The following NPHP4 variants were observed in gnomAD, a reference collection of about 807,000 sequenced individuals.
NPHP4 encodes the protein nephrocystin-4.
Under a neutral mutation model 155.8 loss-of-function variants are expected in NPHP4, and 151 were observed. The ratio of observed to expected loss-of-function variants is 0.97; its 90% CI spans 0.85 to 1.11. The LOEUF (loss-of-function observed/expected upper bound fraction) is 1.11. Among genes scored for constraint, NPHP4 ranks in the 50% least tolerant of loss-of-function variants. NPHP4 has a pLI of 0.00. For synonymous variants in NPHP4, 845 were observed against 816.8 expected (o/e 1.03, Z -0.59); for missense variants, 1,956 against 1,925.7 (o/e 1.02, Z -0.29).
At chr1:5,888,917 TA>T (rs1034393137) in intron 17 of NPHP4, among the ~76,000 whole-genome samples, 55 of 152,242 alleles carry the variant, frequency 3.6e-4, no homozygotes, top group African/African-American at 1.3e-3. Context: ...AAGAGGATGG[TA>T]AATAGCACAA....
At chr1:5,866,849 T>C (rs1206462647) in intron 25 of NPHP4, among the ~76,000 whole-genome samples, 181 bp downstream of exon 25, 2 of 152,016 alleles carry the variant, frequency 1.3e-5, no homozygotes, top group Non-Finnish European at 2.9e-5. Flanking sequence ...GTAGAAAAAA[T>C]AAAAACACAC....
intron 11 of NPHP4, among the ~76,000 whole-genome samples, chr1:5,914,798 A>G (rs983748476): frequency 2.6e-5 from 4 of 152,188 alleles, no homozygotes; most frequent in African/African-American, 7.2e-5. Context: ...GCCTCTCAAC[A>G]TCAGGACACA....
chr1:5,936,623 A>G (rs753756383), intron 9 of NPHP4, among the ~76,000 whole-genome samples: 3 of 152,234 alleles, frequency 2.0e-5, no homozygotes, highest in Admixed American at 6.5e-5. Flanking sequence ...CAAAATACAC[A>G]ATACACAAAA....
chr1:5,913,702 C>T (rs1401300305), intron 11 of NPHP4, among the ~76,000 whole-genome samples: 1 of 152,218 alleles, frequency 6.6e-6, no homozygotes, highest in Admixed American at 6.5e-5. Context: ...ACATTCCACA[C>T]GCAAGAGAGA....
chr1:5,970,221 G>A (rs553587335), intron 3 of NPHP4, among the ~76,000 whole-genome samples: 5 of 152,202 alleles, frequency 3.3e-5, no homozygotes, highest in African/African-American at 1.2e-4. Flanking sequence ...AATAATTAAG[G>A]GGCCTGGGGT....
At chr1:5,918,439 T>C (rs1645579065) in intron 11 of NPHP4, among the ~76,000 whole-genome samples, 2 of 152,196 alleles carry the variant, frequency 1.3e-5, no homozygotes, top group African/African-American at 4.8e-5. Flanking sequence ...AATGATTTTA[T>C]TATTAAACAC....
chr1:5,984,957 A>G (rs1655247740), intron 2 of NPHP4, among the ~76,000 whole-genome samples: 1 of 152,186 alleles, frequency 6.6e-6, no homozygotes, highest in Admixed American at 6.5e-5. Flanking sequence ...GCTCGTCTAT[A>G]AAACGGGAGT....
At chr1:5,922,285 T>G (rs1557742087) in intron 11 of NPHP4, among the ~76,000 whole-genome samples, 1 of 152,264 alleles carries the variant, frequency 6.6e-6, no homozygotes, top group African/African-American at 2.4e-5. Flanking sequence ...TTTGGACTTC[T>G]GACCTCCAGA....
chr1:5,890,822 G>A lies in NPHP4; in HGVS notation c.2304+46C>T, dbSNP rs761495184. 3.8e-6 allele frequency: 6 copies of A among 1,559,860 alleles called. No individual in the cohort carries two copies. The African/African-American group carries it at 5.4e-5, about 14-fold the overall frequency. The stretch of plus-strand genomic sequence containing the variant: ...ACGCTGGAAGCGTGACTCGTCCCAT[G>A]AGGGACGCAGCACCCACTGTGCCTG... On this transcript the variant is annotated intron_variant, in intron 17 of 29. Coordinates refer to ENST00000378156, the MANE Select transcript of NPHP4 (RefSeq NM_015102.5). The surrounding 1 kb of genome is among the most constrained non-coding windows in gnomAD (Gnocchi z 4.9).
chr1:5,949,405 C>G (rs1647499774), intron 7 of NPHP4, among the ~76,000 whole-genome samples: 1 of 142,454 alleles, frequency 7.0e-6, no homozygotes, highest in African/African-American at 2.6e-5. Flanking sequence ...GGATGAGCAC[C>G]TGAATCATTC....
chr1:5,879,923 C>T (rs546516588), intron 19 of NPHP4, among the ~76,000 whole-genome samples, 191 bp downstream of exon 19: 4 of 151,742 alleles, frequency 2.6e-5, no homozygotes, highest in Non-Finnish European at 4.4e-5. Context: ...ACCTCTCACA[C>T]GCCATTCATG....
chr1:5,864,974 G>A (rs925856324), intron 27 of NPHP4, 128 bp downstream of exon 27: 27 of 890,732 alleles, frequency 3.0e-5, no homozygotes, highest in Admixed American at 6.3e-5. Context: ...TGGTAACAGC[G>A]TCTGCGCGCT....
intron 10 of NPHP4, among the ~76,000 whole-genome samples, chr1:5,928,805 C>A (rs544912967): frequency 1.3e-5 from 2 of 152,080 alleles, no homozygotes; most frequent in African/African-American, 4.8e-5. Context: ...TTGTCTATAT[C>A]GCCAAAAAAA....
chr1:5,894,449 C>CAA (rs34608472), intron 16 of NPHP4, among the ~76,000 whole-genome samples: 4 of 103,148 alleles, frequency 3.9e-5, no homozygotes, highest in Non-Finnish European at 3.9e-5. Context: ...GACCCAGTCT[C>CAA]AAAAAAAAAA....
At chr1:5,974,538 A>G (rs992096885) in intron 3 of NPHP4, among the ~76,000 whole-genome samples, 5 of 152,172 alleles carry the variant, frequency 3.3e-5, no homozygotes, top group Non-Finnish European at 7.4e-5. Context: ...AGTTGAATGA[A>G]TGATTCGCTG....
intron 11 of NPHP4, among the ~76,000 whole-genome samples, chr1:5,913,608 G>A (rs982742476): frequency 6.6e-6 from 1 of 152,190 alleles, no homozygotes; most frequent in African/African-American, 2.4e-5. Flanking sequence ...GGGAGGCCAC[G>A]CATCCCACCT....
At position 5,865,207 on chromosome 1, in the gene NPHP4, A is replaced by G. The variant is rs1391519279; in HGVS notation, c.3711T>C (p.Asp1237=). The G allele has an allele frequency of 6.2e-7, 1 of 1,608,962 alleles. No homozygotes were observed. The highest frequency in any genetic ancestry group is 8.5e-7 in the Non-Finnish European group (1 of 1,176,868). ...QVYLHSLQRV[D]VSCVAGQLTR... is the part of the protein sequence containing the mutation. ...TCAGCTGGCCTGCGACGCAGGAGAC[A>G]TCCACGCGCTGCAGGGAGTGGAGGT... The change falls in exon 27 of 30, where the codon GAT becomes GAC. Residue 1237 remains aspartate, a synonymous_variant. Coordinates refer to ENST00000378156, the MANE Select transcript of NPHP4 (RefSeq NM_015102.5).
At chr1:5,897,611 C>T (rs1460182045) in intron 16 of NPHP4, among the ~76,000 whole-genome samples, 5 of 152,134 alleles carry the variant, frequency 3.3e-5, no homozygotes, top group Admixed American at 3.3e-4. Context: ...GGACGTTCTG[C>T]AAGACAGCTC....
chr1:5,942,816 G>C (rs1175110207), intron 9 of NPHP4, among the ~76,000 whole-genome samples: 1 of 152,156 alleles, frequency 6.6e-6, no homozygotes, highest in Non-Finnish European at 1.5e-5. Flanking sequence ...ACCCCTTAGA[G>C]ATTTGGGGAG....
Sources: allele counts gnomAD v4.1 joint callset (sites outside exome capture counted in the v4.1 genomes callset), GRCh38; gene constraint gnomAD v4.1.1; non-coding constraint Gnocchi (gnomAD v3.1); transcripts MANE v1.5; gene names NCBI Gene and HGNC (gene_info 2026-07-23, HGNC 2026-07-21).